ARID1B: variants seen among roughly 807,000 people sequenced by gnomAD.
The protein encoded by ARID1B is AT-rich interactive domain-containing protein 1B.
Under a neutral mutation model 212.3 loss-of-function variants are expected in ARID1B, and 30 were observed. The ratio of observed to expected loss-of-function variants is 0.14; its 90% CI spans 0.11 to 0.19. The LOEUF is 0.19. ARID1B is among the 10% of genes least tolerant of loss of function. The pLI is 1.00. For missense variants in ARID1B, 2,891 were observed against 3,204.0 expected, an observed-to-expected ratio of 0.90 and a Z score of 2.36; for synonymous variants, 1,402 against 1,301.7, an observed-to-expected ratio of 1.08 and a Z score of -1.66.
At chr6:157,195,859 A>T in intron 15 of ARID1B, 1 of 312,490 alleles carries the variant, frequency 3.2e-6, no homozygotes, top group Non-Finnish European at 6.0e-6. Flanking sequence ...TCAGGAGTTC[A>T]AGACCAGCCT....
chr6:157,063,044 A>G (rs1466070153), intron 4 of ARID1B, among the ~76,000 whole-genome samples: 1 of 152,112 alleles, frequency 6.6e-6, no homozygotes, highest in East Asian at 1.9e-4. Context: ...TTTCAGAATG[A>G]GAATGGATGG....
At chr6:157,038,744 G>A (rs62424284) in intron 4 of ARID1B, among the ~76,000 whole-genome samples, 6,656 of 152,160 alleles carry the variant, frequency 0.044, 171 homozygotes, top group Middle Eastern at 0.072. Flanking sequence ...TAGACCTGTA[G>A]GGTCAGTTCT....
At chr6:157,084,014 A>G (rs1048192444) in intron 4 of ARID1B, among the ~76,000 whole-genome samples, 2 of 151,792 alleles carry the variant, frequency 1.3e-5, no homozygotes, top group African/African-American at 4.8e-5. Flanking sequence ...GGTGCCTGTA[A>G]TCCCAGCTAC....
chr6:157,053,055 C>T (rs1356899607), intron 4 of ARID1B, among the ~76,000 whole-genome samples: 1 of 151,684 alleles, frequency 6.6e-6, no homozygotes, highest in Non-Finnish European at 1.5e-5. Context: ...TACAACAGTG[C>T]AAAATATCAT....
chr6:157,068,012 T>A (rs73581998), intron 4 of ARID1B, among the ~76,000 whole-genome samples: 2,249 of 152,304 alleles, frequency 0.015, 56 homozygotes, highest in African/African-American at 0.052. Context: ...TATCACTTCA[T>A]ATGGCACCAG....
intron 4 of ARID1B, among the ~76,000 whole-genome samples, chr6:156,954,641 T>C (rs73790940): frequency 0.015 from 2,241 of 152,358 alleles, 59 homozygotes; most frequent in African/African-American, 0.051. Flanking sequence ...AGTTTTTCCT[T>C]ACATTAGCTC....
intron 4 of ARID1B, among the ~76,000 whole-genome samples, chr6:156,987,271 G>A (rs1777980381): frequency 6.6e-6 from 1 of 151,568 alleles, no homozygotes; most frequent in Admixed American, 6.6e-5. Context: ...CCATTCTAGA[G>A]AGATAATTAC....
chr6:156,928,631 G>T (rs796066275), intron 3 of ARID1B, among the ~76,000 whole-genome samples: 3 of 152,182 alleles, frequency 2.0e-5, no homozygotes, highest in Non-Finnish European at 4.4e-5. Flanking sequence ...CACTTGAGGG[G>T]CCCCCATTCT....
At chr6:157,103,175 C>A (rs2128499163) in intron 5 of ARID1B, among the ~76,000 whole-genome samples, 1 of 152,210 alleles carries the variant, frequency 6.6e-6, no homozygotes, top group East Asian at 1.9e-4. Context: ...GATAAAACTA[C>A]ATGATTACAG....
chr6:156,861,854 A>G (rs1785357586), intron 2 of ARID1B, among the ~76,000 whole-genome samples: 1 of 152,164 alleles, frequency 6.6e-6, no homozygotes, highest in South Asian at 2.1e-4. Flanking sequence ...AAGGTGAGTG[A>G]CAAGGGAGTG....
chr6:156,909,420 G>A (rs1018424540), intron 3 of ARID1B, among the ~76,000 whole-genome samples: 4 of 152,006 alleles, frequency 2.6e-5, no homozygotes, highest in Non-Finnish European at 4.4e-5. Flanking sequence ...CACCGCATCC[G>A]GACAAGGGCG....
chr6:157,008,411 C>A (rs1173961842), intron 4 of ARID1B, among the ~76,000 whole-genome samples: 2 of 152,188 alleles, frequency 1.3e-5, no homozygotes, highest in African/African-American at 4.8e-5. Context: ...TCCCTTTTAA[C>A]CTCCATGCTG....
At position 156,796,888 on chromosome 6, in the gene ARID1B, C is replaced by T. The variant is rs1046590728; in HGVS notation, c.1791+17417C>T. ...CCTGGGGCCTCTGAGTGAGTGGGCTCAGTGAGGGGCAGGCCCAGCCTCATG... is the reference window on the plus strand; with the variant it reads ...CCTGGGGCCTCTGAGTGAGTGGGCTTAGTGAGGGGCAGGCCCAGCCTCATG... On this transcript the variant is annotated intron_variant, in intron 1 of 19. Coordinates refer to ENST00000636930, the MANE Select transcript of ARID1B (RefSeq NM_001374828.1). 1.7e-4 allele frequency among the ~76,000 whole-genome samples: 26 copies of T among 151,846 alleles called. 1 individual carries two copies. Among genetic ancestry groups the T allele is most frequent in the Non-Finnish European group, 1.5e-5 (1 of 68,014 alleles).
Position 157,084,984 on chromosome 6 carries a change from C to G in ARID1B, c.2491+79C>G, listed in dbSNP as rs538820403. 6.6e-6 allele frequency: 10 copies of G among 1,504,180 alleles called. No individual in the cohort carries two copies. The South Asian group carries it at 1.3e-4, about 20-fold the overall frequency. 93.2% of individuals were successfully genotyped at this position (1,504,180 alleles called of 1,614,324 possible). A position where few individuals can be genotyped will look rare whatever the true frequency, so the allele number is the denominator to read the frequency against. On this transcript the variant is annotated intron_variant, in intron 5 of 19. Coordinates refer to ENST00000636930, the MANE Select transcript of ARID1B (RefSeq NM_001374828.1). Reference sequence around the variant, plus strand: ...TGTTCATCAACAGTAACTCACATTACTTTACTATTTAAAACCTAGTGGCCA... The same window carrying G: ...TGTTCATCAACAGTAACTCACATTAGTTTACTATTTAAAACCTAGTGGCCA...
chr6:157,021,749 TGGAGGCG>T (rs1255582497), intron 4 of ARID1B, among the ~76,000 whole-genome samples: 9 of 152,076 alleles, frequency 5.9e-5, no homozygotes, highest in East Asian at 1.9e-4. Context: ...AGGCTCCTCC[TGGAGGCG>T]GGAGGCGGCG....
At chr6:157,049,731 C>T (rs527426521) in intron 4 of ARID1B, among the ~76,000 whole-genome samples, 63 of 152,042 alleles carry the variant, frequency 4.1e-4, no homozygotes, top group South Asian at 6.2e-4. Context: ...TTAAATATCA[C>T]GGTAAAATCA....
intron 1 of ARID1B, among the ~76,000 whole-genome samples, chr6:156,781,974 G>GGTTTTTTTTTTTT (rs1779303083): frequency 1.3e-5 from 1 of 79,714 alleles, no homozygotes; most frequent in Non-Finnish European, 2.4e-5. Context: ...TTGGGAATAG[G>GGTTTTTTTTTTTT]CTTTTTTTTT....
intron 2 of ARID1B, among the ~76,000 whole-genome samples, chr6:156,840,458 A>T (rs1296627810): frequency 6.6e-6 from 1 of 152,242 alleles, no homozygotes; most frequent in Non-Finnish European, 1.5e-5. Context: ...CTAGAGCCGT[A>T]CATGGCATTT....
chr6:157,069,551 C>T (rs530111020), intron 4 of ARID1B, among the ~76,000 whole-genome samples: 4 of 152,320 alleles, frequency 2.6e-5, no homozygotes, highest in South Asian at 4.1e-4. Context: ...TAAAGTGAGG[C>T]CTCTCTCAGT....
Sources: gnomAD v4.1 joint callset for allele counts (sites outside exome capture counted in the v4.1 genomes callset) on GRCh38, gnomAD v4.1.1 for gene constraint, MANE v1.5 for transcripts, NCBI Gene and HGNC (gene_info 2026-07-23, HGNC 2026-07-21) for gene names.